C10orf53: variants seen among roughly 807,000 people sequenced by gnomAD.
C10orf53 encodes UPF0728 protein C10orf53.
C10orf53 carries 8 observed loss-of-function variants against 9.4 expected under a neutral mutation model. The observed-to-expected ratio is 0.85, with a 90% CI of 0.50 to 1.53. C10orf53 has a LOEUF of 1.53. Among genes scored for constraint, C10orf53 ranks in the 40% most tolerant of loss-of-function variants. The pLI, the probability that C10orf53 is intolerant of heterozygous loss-of-function variation, is 0.00. For missense variants in C10orf53, 117 were observed against 117.8 expected (o/e 0.99, Z 0.03); for synonymous variants, 48 against 46.0 (o/e 1.04, Z -0.18).
chr10:49,707,561 C>T (rs1161060366), intron 2 of C10orf53, among the ~76,000 whole-genome samples: 5 of 152,168 alleles, frequency 3.3e-5, no homozygotes, highest in African/African-American at 7.2e-5. Context: ...AGCTGGTGAT[C>T]GAGCTCCAAG....
rs575085847 is a variant in C10orf53, at chr10:49,696,026, C to T, written c.*1424C>T. The T allele has an allele frequency of 6.6e-6, 1 of 152,170 alleles. No individual in the cohort carries two copies. Among genetic ancestry groups the T allele is most frequent in the African/African-American group, 2.4e-5 (1 of 41,528 alleles). 9.4% of individuals were successfully genotyped at this position (152,170 alleles called of 1,614,324 possible). On this transcript the variant is annotated 3_prime_UTR_variant, in exon 3 of 3. Transcript: ENST00000374111. The stretch of plus-strand genomic sequence containing the variant: ...GAAAAATACAGGTAAAAATAAAGTA[C>T]AACTTTAGTAACATTTTTATATATT...
At chr10:49,701,177 CTTGAGAGAGAGGAGGGGAG>C (rs1840680111), downstream of C10orf53, among the ~76,000 whole-genome samples, 2 of 152,124 alleles carry the variant, frequency 1.3e-5, no homozygotes, top group African/African-American at 4.8e-5. Flanking sequence ...AAATGCGTCT[CTTGAGAGAGAGGAGGGGAG>C]TTGAGAGAGA....
intron 1 of C10orf53, among the ~76,000 whole-genome samples, chr10:49,691,774 A>G (rs533849706): frequency 2.0e-5 from 3 of 152,320 alleles, no homozygotes; most frequent in African/African-American, 4.8e-5. Flanking sequence ...GGGGCAGGCT[A>G]CAGTGTGCTC....
At chr10:49,689,286 C>T (rs920596555) in intron 1 of C10orf53, among the ~76,000 whole-genome samples, 9 of 151,974 alleles carry the variant, frequency 5.9e-5, no homozygotes, top group Admixed American at 2.0e-4. Flanking sequence ...AGGGGGCAAG[C>T]GATGGCATTT....
At position 49,695,862 on chromosome 10, in the gene C10orf53, T is replaced by C. The variant is rs1050092997; in HGVS notation, c.*1260T>C. 2 of 152,234 alleles carry C rather than the reference T, an allele frequency of 1.3e-5. No homozygotes were observed. Among genetic ancestry groups the C allele is most frequent in the African/African-American group, 4.8e-5 (2 of 41,464 alleles). 9.4% of individuals were successfully genotyped at this position (152,234 alleles called of 1,614,324 possible). On this transcript the variant is annotated 3_prime_UTR_variant, in exon 3 of 3. Coordinates refer to ENST00000374111, the MANE Select transcript of C10orf53 (RefSeq NM_001042427.3). ...CTTCCTCCCAGTGTCTGGTGCTGGT[T>C]TTCACATATCTTTTGTAACCCTACA...
intron 2 of C10orf53, among the ~76,000 whole-genome samples, chr10:49,705,999 A>G (rs1336242091): frequency 6.6e-6 from 1 of 152,258 alleles, no homozygotes; most frequent in Non-Finnish European, 1.5e-5. Flanking sequence ...CGACAAGCAC[A>G]GGAAAAGATG....
downstream of C10orf53, among the ~76,000 whole-genome samples, chr10:49,702,051 G>A (rs944550288): frequency 6.6e-6 from 1 of 152,034 alleles, no homozygotes; most frequent in Non-Finnish European, 1.5e-5. Context: ...ACAAAAATTA[G>A]CCAGGCATGG....
rs114178984 is a variant in C10orf53, at chr10:49,685,395, T to C, written c.97+5601T>C. On this transcript the variant is annotated intron_variant, in intron 1 of 2. Coordinates refer to ENST00000374111, the MANE Select transcript of C10orf53 (RefSeq NM_001042427.3). The stretch of plus-strand genomic sequence containing the variant: ...TCAGCATTTTTAAAGTAGACTAGGC[T>C]AAGCTATGATGTTCAGTATGTTAGG... Among the ~76,000 whole-genome samples the C allele has an allele frequency of 7.2e-3, 1,093 of 152,360 alleles. 16 individuals are homozygous for C. The highest frequency in any genetic ancestry group is 0.025 in the African/African-American group (1,031 of 41,576).
chr10:49,688,053 T>A (rs1047217353), intron 1 of C10orf53, among the ~76,000 whole-genome samples: 4 of 152,126 alleles, frequency 2.6e-5, no homozygotes, highest in Admixed American at 1.3e-4. Flanking sequence ...TTAAATGACA[T>A]TTATATGCGA....
rs147517277 is a variant in C10orf53 at position 49,690,178 on chromosome 10, G to A, written c.98-3596G>A. 2.6e-3 allele frequency among the ~76,000 whole-genome samples: 398 copies of A among 152,312 alleles called. 2 individuals are homozygous for A. Among genetic ancestry groups the A allele is most frequent in the Non-Finnish European group, 3.9e-3 (266 of 68,038 alleles). On this transcript the variant is annotated intron_variant, in intron 1 of 2. Coordinates refer to ENST00000374111, the MANE Select transcript of C10orf53 (RefSeq NM_001042427.3). Reference sequence around the variant, plus strand: ...AGAGTATTTGGAGAAAGAGCAAGAGGAGCATTTTTATGGCTGAAGGAGACT... The same window carrying A: ...AGAGTATTTGGAGAAAGAGCAAGAGAAGCATTTTTATGGCTGAAGGAGACT...
downstream of C10orf53, among the ~76,000 whole-genome samples, chr10:49,699,894 T>TTC (rs1554811990): frequency 5.7e-3 from 857 of 151,404 alleles, 7 homozygotes; most frequent in African/African-American, 0.02. Context: ...GCAGAGCTCA[T>TTC]CCCCCCCGAG....
At chr10:49,692,716 G>A (rs1840596428) in intron 1 of C10orf53, among the ~76,000 whole-genome samples, 1 of 152,158 alleles carries the variant, frequency 6.6e-6, no homozygotes, top group Non-Finnish European at 1.5e-5. Flanking sequence ...AAAAAATAGA[G>A]CTCTAGGCTG....
At position 49,704,567 on chromosome 10, in the gene C10orf53, C is replaced by A. The variant is rs527245029; in HGVS notation, c.218-3794C>A. 1.2e-3 allele frequency among the ~76,000 whole-genome samples: 185 copies of A among 152,096 alleles called. 1 individual carries two copies. The Middle Eastern group carries it at 0.014, about 11-fold the overall frequency. ...ACCAGCCTGACCAACATGGTGAAAC[C>A]CTGTCTCTACTAAAAATACCAAAAA... On this transcript the variant is annotated intron_variant, in intron 2 of 2. Transcript: ENST00000374112.
chr10:49,687,760 G>T (rs1175573584), intron 1 of C10orf53, among the ~76,000 whole-genome samples: 1 of 152,234 alleles, frequency 6.6e-6, no homozygotes, highest in Non-Finnish European at 1.5e-5. Context: ...CTGGGGAGCA[G>T]CAGGCTATTG....
chr10:49,692,964 G>T (rs960663136), intron 1 of C10orf53, among the ~76,000 whole-genome samples: 3 of 151,916 alleles, frequency 2.0e-5, no homozygotes, highest in Non-Finnish European at 4.4e-5. Flanking sequence ...AGAGAAAAAA[G>T]TTTCCCATAA....
At chr10:49,689,223 A>G (rs540791496) in intron 1 of C10orf53, among the ~76,000 whole-genome samples, 1 of 152,270 alleles carries the variant, frequency 6.6e-6, no homozygotes. Context: ...GTGTGTTAAG[A>G]GGAGCAGCCT....
At chr10:49,701,161 G>A (rs1840679890), downstream of C10orf53, among the ~76,000 whole-genome samples, 2 of 152,294 alleles carry the variant, frequency 1.3e-5, no homozygotes, top group Non-Finnish European at 2.9e-5. Flanking sequence ...GCGGAGGGCA[G>A]CACTCAAATG....
At chr10:49,708,332 GCTTTCTTCTCTGTTGTCTTTGTT>G in intron 2 of C10orf53, 1 of 1,608,352 alleles carries the variant, frequency 6.2e-7, no homozygotes, top group East Asian at 2.2e-5. Context: ...TCTTGATGCT[GCTTTCTTCTCTGTTGTCTTTGTT>G]CTCAGGCAAG....
downstream of C10orf53, among the ~76,000 whole-genome samples, chr10:49,701,229 A>G (rs1371907566): frequency 6.6e-6 from 1 of 152,084 alleles, no homozygotes; most frequent in African/African-American, 2.4e-5. Flanking sequence ...CTAAGGGTGT[A>G]TCAGGTTTCA....
Sources: gnomAD v4.1 joint callset for allele counts (sites outside exome capture counted in the v4.1 genomes callset) on GRCh38, gnomAD v4.1.1 for gene constraint, MANE v1.5 for transcripts, NCBI Gene and HGNC (gene_info 2026-07-23, HGNC 2026-07-21) for gene names.